Variants in NOS1 observed in about 807,000 individuals in gnomAD.
NOS1 encodes the protein NOS type I.
Under a neutral mutation model 164.5 loss-of-function variants are expected in NOS1, and 51 were observed. The observed-to-expected ratio is 0.31, with a 90% CI of 0.25 to 0.39. The LOEUF (loss-of-function observed/expected upper bound fraction) is 0.39. NOS1 is among the 10% of genes least tolerant of loss of function. The pLI, the probability that NOS1 is intolerant of heterozygous loss-of-function variation, is 1.00. For missense variants in NOS1, 1,362 were observed against 1,885.6 expected (o/e 0.72, Z 5.14); for synonymous variants, 719 against 745.8 (o/e 0.96, Z 0.59).
chr12:117,265,011 A>C (rs991831944), intron 12 of NOS1, among the ~76,000 whole-genome samples: 12 of 138,376 alleles, frequency 8.7e-5, no homozygotes, highest in African/African-American at 3.2e-4. Context: ...CCTGCTAATT[A>C]AAAAAAAAAA....
rs1049833375 is a variant in NOS1, at chr12:117,272,054, G to A, written c.1839+331C>T. On this transcript the variant is annotated intron_variant, in intron 10 of 28. Coordinates refer to ENST00000317775, the MANE Select transcript of NOS1 (RefSeq NM_000620.5). This position sits in a 1 kb window ranked among gnomAD's most constrained non-coding sequence, Gnocchi z 4.3. ...AGACACATTTCCCAGCCCTGCTGCC[G>A]GCTAGCTGTGTGACCTTGAGCTTGT... Among the ~76,000 whole-genome samples the A allele has an allele frequency of 3.3e-5, 5 of 152,160 alleles. No homozygotes were observed. The highest frequency in any genetic ancestry group is 1.2e-4 in the African/African-American group (5 of 41,444).
chr12:117,329,485 C>A (rs1284952860), intron 2 of NOS1, among the ~76,000 whole-genome samples: 1 of 152,040 alleles, frequency 6.6e-6, no homozygotes, highest in Non-Finnish European at 1.5e-5. Flanking sequence ...CCCACCCTGG[C>A]AGCACTGGGG....
chr12:117,299,345 C>T (rs188850288), intron 3 of NOS1, among the ~76,000 whole-genome samples: 22 of 152,212 alleles, frequency 1.4e-4, no homozygotes, highest in African/African-American at 5.3e-4. Flanking sequence ...TCCATAGAAA[C>T]TTGACATTGC....
chr12:117,322,889 T>G, intron 2 of NOS1, among the ~76,000 whole-genome samples: 2 of 111,766 alleles, frequency 1.8e-5, no homozygotes, highest in South Asian at 3.2e-4. Flanking sequence ...GCATTCTTCC[T>G]TGCCTCCCTC....
chr12:117,267,897 G>A (rs1341716512), intron 11 of NOS1, 146 bp downstream of exon 11: 7 of 601,444 alleles, frequency 1.2e-5, no homozygotes, highest in African/African-American at 7.5e-5. Flanking sequence ...AGGGCATGCA[G>A]GATGGAAGCT....
At chr12:117,288,400 A>G (rs1426750910) in intron 4 of NOS1, among the ~76,000 whole-genome samples, 181 bp from the exon 5 acceptor site, 1 of 152,196 alleles carries the variant, frequency 6.6e-6, no homozygotes, top group African/African-American at 2.4e-5. Context: ...TTAAGGAACA[A>G]TAAGTAGCAT....
At chr12:117,216,554 T>G (rs1441879731) in intron 28 of NOS1, among the ~76,000 whole-genome samples, 1 of 151,768 alleles carries the variant, frequency 6.6e-6, no homozygotes, top group Non-Finnish European at 1.5e-5. Flanking sequence ...CATGGCTCAC[T>G]GCAGTCTCGA....
chr12:117,253,741 G>A lies in NOS1; in HGVS notation c.2545C>T (p.Arg849Ter). The A allele has an allele frequency of 2.5e-6, 4 of 1,613,566 alleles. No homozygotes were observed. The highest frequency in any genetic ancestry group is 3.4e-6 in the Non-Finnish European group (4 of 1,179,626). ...GAGTAGGAGGAGACGCTGTTGAATC[G>A]GACCTTGTAGCTCCTGCCAAAACCA... The part of the protein sequence containing the change: ...VQEERKSYKV[R>*]FNSVSSYSDS... The change falls in exon 17 of 29, where the codon CGA becomes TGA. Residue 849 changes from arginine (R) to a stop codon, truncating the protein, a stop_gained. Transcript: ENST00000317775. LOFTEE classifies it high-confidence loss of function.
Position 117,256,282 on chromosome 12 carries a change from C to CTTTTTTTTTTTTTTTTT in NOS1, c.2531+2114_2531+2115insAAAAAAAAAAAAAAAAA, listed in dbSNP as rs1566042530. Among the ~76,000 whole-genome samples the CTTTTTTTTTTTTTTTTT allele has an allele frequency of 2.6e-5, 2 of 76,810 alleles. 1 individual carries two copies. The highest frequency in any genetic ancestry group is 3.2e-4 in the Admixed American group (2 of 6,304). The allele number at this position is 76,810 out of a possible 152,430, so 50.4% of individuals were successfully genotyped here. ...CACAAAGAAAATCAGAAGGGATTTT[C>CTTTTTTTTTTTTTTTTT]TGTTTTTTTTTTTTGAGACGGAGTC... On this transcript the variant is annotated intron_variant, in intron 16 of 28. Coordinates refer to ENST00000317775, the MANE Select transcript of NOS1 (RefSeq NM_000620.5).
In NOS1 at chr12:117,225,270, G is replaced by A. The variant is rs2135931593; in HGVS notation, c.3705-133C>T. The A allele has an allele frequency of 3.3e-6, 4 of 1,208,772 alleles. No individual in the cohort carries two copies. In the East Asian group the frequency reaches 1.0e-4, roughly 31 times the overall value. The allele number at this position is 1,208,772 out of a possible 1,614,324, so 74.9% of individuals were successfully genotyped here. ...CTTAAGGCTCTTCAGCCGGGGCCAG[G>A]TGCCCCTTTCCAGGGTGGGAGTCTC... On this transcript the variant is annotated intron_variant, in intron 24 of 28. Transcript: ENST00000317775.
At position 117,351,295 on chromosome 12, in the gene NOS1, C is replaced by T. The variant is rs139114076; in HGVS notation, c.-421+10217G>A. On this transcript the variant is annotated intron_variant, in intron 1 of 28. Coordinates refer to ENST00000317775, the MANE Select transcript of NOS1 (RefSeq NM_000620.5). ...CTGCATTCCCTTCTGAGTATAGCTTCTACAGGGACCCTTCCCTTCGCCAGC... is the reference window on the plus strand; with the variant it reads ...CTGCATTCCCTTCTGAGTATAGCTTTTACAGGGACCCTTCCCTTCGCCAGC... Among the ~76,000 whole-genome samples, 733 of 152,264 alleles carry T rather than the reference C, an allele frequency of 4.8e-3. 9 individuals carry two copies. Among genetic ancestry groups the T allele is most frequent in the African/African-American group, 0.017 (709 of 41,556 alleles).
intron 12 of NOS1, 92 bp downstream of exon 12, chr12:117,265,224 G>C (rs1872292733): frequency 1.7e-6 from 2 of 1,192,468 alleles, no homozygotes; most frequent in Non-Finnish European, 2.3e-6. Flanking sequence ...TGAGTGTCCA[G>C]AGCACTAGCC....
At chr12:117,255,908 C>A in intron 16 of NOS1, 1 of 1,408,660 alleles carries the variant, frequency 7.1e-7, no homozygotes, top group African/African-American at 1.5e-5. Flanking sequence ...CTCGCACACA[C>A]CTGCGTGTAC....
At chr12:117,316,085 T>G (rs1490067063) in intron 2 of NOS1, among the ~76,000 whole-genome samples, 1 of 152,240 alleles carries the variant, frequency 6.6e-6, no homozygotes, top group African/African-American at 2.4e-5. Context: ...AACTAAATTT[T>G]AAATTTTATT....
intron 2 of NOS1, among the ~76,000 whole-genome samples, chr12:117,314,223 T>C (rs1874572634): frequency 6.6e-6 from 1 of 152,204 alleles, no homozygotes; most frequent in Non-Finnish European, 1.5e-5. Context: ...CACCAAAACA[T>C]ACCCAGAGTG....
At chr12:117,228,031 CAGAT>C (rs1443435954) in intron 22 of NOS1, among the ~76,000 whole-genome samples, 1 of 141,088 alleles carries the variant, frequency 7.1e-6, no homozygotes. Context: ...ACCCTGTTGA[CAGAT>C]AGAAAGAAAG....
At chr12:117,317,241 C>T (rs553170058) in intron 2 of NOS1, among the ~76,000 whole-genome samples, 1 of 151,760 alleles carries the variant, frequency 6.6e-6, no homozygotes, top group Non-Finnish European at 1.5e-5. Context: ...TGGACAGGGC[C>T]TCTTTTGACT....
intron 3 of NOS1, among the ~76,000 whole-genome samples, chr12:117,292,840 T>C (rs780419240): frequency 1.4e-4 from 21 of 152,206 alleles, no homozygotes; most frequent in Non-Finnish European, 3.1e-4. Flanking sequence ...ATGTGATCTC[T>C]GCTCCCATGG....
At chr12:117,343,553 G>A (rs750181225) in intron 1 of NOS1, among the ~76,000 whole-genome samples, 10 of 152,124 alleles carry the variant, frequency 6.6e-5, no homozygotes, top group African/African-American at 1.4e-4. Flanking sequence ...TTGTGAAATC[G>A]AAACAGTAAT....
Sources: allele counts gnomAD v4.1 joint callset (sites outside exome capture counted in the v4.1 genomes callset), GRCh38; gene constraint gnomAD v4.1.1; non-coding constraint Gnocchi (gnomAD v3.1); transcripts MANE v1.5; gene names NCBI Gene and HGNC (gene_info 2026-07-23, HGNC 2026-07-21).